Variants in CAMTA1 observed in about 807,000 individuals in gnomAD.
CAMTA1 encodes calmodulin-binding transcription activator 1.
In CAMTA1, 27 loss-of-function variants were observed where a neutral mutation model predicts 170.9. The observed-to-expected ratio is 0.16, with a 90% CI of 0.12 to 0.22. The LOEUF (loss-of-function observed/expected upper bound fraction) is 0.22. Among genes scored for constraint, CAMTA1 ranks in the 10% least tolerant of loss-of-function variants. The probability of loss-of-function intolerance (pLI) is 1.00; values close to 1 mark genes in which losing one functional copy is unlikely to be tolerated. For synonymous variants in CAMTA1, 833 were observed against 891.5 expected, an observed-to-expected ratio of 0.93 and a Z score of 1.17; for missense variants, 1,619 against 2,217.2, an observed-to-expected ratio of 0.73 and a Z score of 5.42.
chr1:7,569,680 C>T (rs545123182), intron 6 of CAMTA1, among the ~76,000 whole-genome samples: 2 of 151,408 alleles, frequency 1.3e-5, no homozygotes, highest in Admixed American at 1.3e-4. Context: ...ACCATCACTA[C>T]CATCATTCTC....
In CAMTA1 at chr1:7,484,770, C is replaced by T. The variant is rs1252752256; in HGVS notation, c.510+16869C>T. Reference sequence around the variant, plus strand: ...CACCACTGCACTCCAACCTGGGCGACAGAGCGAGACTATGTCTCAGAAAAA... The same window carrying T: ...CACCACTGCACTCCAACCTGGGCGATAGAGCGAGACTATGTCTCAGAAAAA... On this transcript the variant is annotated intron_variant, in intron 6 of 22. Coordinates refer to ENST00000303635, the MANE Select transcript of CAMTA1 (RefSeq NM_015215.4). Among the ~76,000 whole-genome samples, 7 of 151,850 alleles carry T rather than the reference C, an allele frequency of 4.6e-5. No individual in the cohort carries two copies. The South Asian group carries it at 1.3e-3, about 27-fold the overall frequency.
rs997174714 is a variant in CAMTA1 at position 6,965,307 on chromosome 1, G to T, written c.235-125997G>T. Among the ~76,000 whole-genome samples the T allele has an allele frequency of 1.3e-5, 2 of 152,136 alleles. No individual in the cohort carries two copies. The highest frequency in any genetic ancestry group is 2.9e-5 in the Non-Finnish European group (2 of 68,020). ...TAAGTGTGTGCTTGTGTCTGTGCAT[G>T]TGTGTATGTGTGTGGGTGTGTGTGT... On this transcript the variant is annotated intron_variant, in intron 3 of 22. Transcript: ENST00000303635. This position sits in a 1 kb window ranked among gnomAD's most constrained non-coding sequence, Gnocchi z 4.1.
chr1:6,931,973 G>C (rs1341918033), intron 3 of CAMTA1, among the ~76,000 whole-genome samples: 1 of 152,198 alleles, frequency 6.6e-6, no homozygotes, highest in Non-Finnish European at 1.5e-5. Flanking sequence ...ACGCACTGGT[G>C]CCTCCTTGTG....
At chr1:7,391,328 AGT>A (rs35663101) in intron 5 of CAMTA1, among the ~76,000 whole-genome samples, 43 of 146,998 alleles carry the variant, frequency 2.9e-4, no homozygotes, top group African/African-American at 5.3e-4. Flanking sequence ...CCCTTTACAC[AGT>A]GTGTGTGTGT....
intron 6 of CAMTA1, among the ~76,000 whole-genome samples, chr1:7,520,224 T>C (rs2094344452): frequency 9.3e-5 from 3 of 32,298 alleles, no homozygotes; most frequent in Admixed American, 4.5e-4. Context: ...CTCCTCCTCC[T>C]CCTCCCTCCT....
At chr1:6,849,879 A>G (rs966318838) in intron 3 of CAMTA1, among the ~76,000 whole-genome samples, 2 of 151,916 alleles carry the variant, frequency 1.3e-5, no homozygotes, top group Non-Finnish European at 2.9e-5. Flanking sequence ...TACTAAAAAT[A>G]CAAAAATTAG....
At chr1:7,578,913 C>T (rs2095230070) in intron 6 of CAMTA1, among the ~76,000 whole-genome samples, 1 of 152,210 alleles carries the variant, frequency 6.6e-6, no homozygotes, top group Admixed American at 6.5e-5. Context: ...AACACATGAG[C>T]TTTAGGGGAC....
chr1:7,650,286 A>C (rs2095840334), intron 7 of CAMTA1, among the ~76,000 whole-genome samples: 1 of 152,242 alleles, frequency 6.6e-6, no homozygotes, highest in South Asian at 2.1e-4. Flanking sequence ...CGAGAGCCTC[A>C]GGATGGCTCT....
chr1:6,886,146 G>T, intron 3 of CAMTA1: 1 of 449,426 alleles, frequency 2.2e-6, no homozygotes. Context: ...GATGGGGGAA[G>T]TGACAGTGGG....
At chr1:7,142,506 A>T (rs1573407178) in intron 4 of CAMTA1, among the ~76,000 whole-genome samples, 1 of 152,140 alleles carries the variant, frequency 6.6e-6, no homozygotes. Flanking sequence ...TTACAATGGG[A>T]TCCTAATGCT....
At chr1:7,419,511 C>T (rs2091422220) in intron 5 of CAMTA1, among the ~76,000 whole-genome samples, 1 of 152,036 alleles carries the variant, frequency 6.6e-6, no homozygotes, top group African/African-American at 2.4e-5. Flanking sequence ...TCCTGGGCCA[C>T]CTCTCTGTCT....
At chr1:7,057,941 C>G (rs972730879) in intron 3 of CAMTA1, among the ~76,000 whole-genome samples, 2 of 152,208 alleles carry the variant, frequency 1.3e-5, no homozygotes, top group African/African-American at 4.8e-5. Context: ...CCAAGCCAGG[C>G]CAGGCCAGGC....
chr1:6,866,111 A>C (rs2148941298), intron 3 of CAMTA1, among the ~76,000 whole-genome samples: 1 of 152,276 alleles, frequency 6.6e-6, no homozygotes, highest in Non-Finnish European at 1.5e-5. Flanking sequence ...GGACTGGAGG[A>C]TGAAGTTTGA....
chr1:7,284,297 G>A (rs1026588290), intron 5 of CAMTA1, among the ~76,000 whole-genome samples: 8 of 151,374 alleles, frequency 5.3e-5, no homozygotes, highest in Admixed American at 2.6e-4. Flanking sequence ...TTTGCCTCCC[G>A]GGTTCAAGCA....
chr1:7,178,720 T>C (rs1211764775), intron 4 of CAMTA1, among the ~76,000 whole-genome samples: 2 of 152,024 alleles, frequency 1.3e-5, no homozygotes, highest in African/African-American at 4.8e-5. Flanking sequence ...ACTTGCGGAG[T>C]AGCCAAGCTG....
rs1009301971 is a variant in CAMTA1 at position 7,248,237 on chromosome 1, A to C, written c.303-1254A>C. 6.6e-6 allele frequency among the ~76,000 whole-genome samples: 1 copy of C among 152,200 alleles called. No homozygotes were observed. The highest frequency in any genetic ancestry group is 1.5e-5 in the Non-Finnish European group (1 of 68,038). ...AAATGGCCCATTGTTCGTAGCAAGA[A>C]GAAAAGAAAGGCGCTGGAGGGTCTT... On this transcript the variant is annotated intron_variant, in intron 4 of 22. Coordinates refer to ENST00000303635, the MANE Select transcript of CAMTA1 (RefSeq NM_015215.4). The surrounding 1 kb of genome is among the most constrained non-coding windows in gnomAD (Gnocchi z 4.0).
chr1:7,000,481 G>A (rs1391402419), intron 3 of CAMTA1, among the ~76,000 whole-genome samples: 1 of 152,202 alleles, frequency 6.6e-6, no homozygotes, highest in African/African-American at 2.4e-5. Flanking sequence ...GGAGCGAGGT[G>A]GGGAGCATGT....
intron 6 of CAMTA1, among the ~76,000 whole-genome samples, chr1:7,558,280 G>A (rs2094907914): frequency 6.6e-6 from 1 of 152,232 alleles, no homozygotes; most frequent in Non-Finnish European, 1.5e-5. Context: ...TGTGGGACTG[G>A]ATTCAATACC....
At position 6,843,650 on chromosome 1, in the gene CAMTA1, T is replaced by G. The variant is rs1293178013; in HGVS notation, c.234+18440T>G. Among the ~76,000 whole-genome samples, 4 of 152,192 alleles carry G rather than the reference T, an allele frequency of 2.6e-5. No homozygotes were observed. The East Asian group carries it at 7.7e-4, about 29-fold the overall frequency. On this transcript the variant is annotated intron_variant, in intron 3 of 22. Transcript: ENST00000303635. ...ACGCACCACCATGCCCTGCTAATTT[T>G]AGTATTTTTAGTAGAGGCAGGGTTT...
Sources: gnomAD v4.1 joint callset for allele counts (sites outside exome capture counted in the v4.1 genomes callset) on GRCh38, gnomAD v4.1.1 for gene constraint, Gnocchi (gnomAD v3.1) non-coding constraint, MANE v1.5 for transcripts, NCBI Gene and HGNC (gene_info 2026-07-23, HGNC 2026-07-21) for gene names.